The following MAGI2 variants were observed in gnomAD, a reference collection of about 807,000 sequenced individuals.
MAGI2 encodes the protein membrane associated guanylate kinase, WW and PDZ domain containing 2, also known as membrane-associated guanylate kinase, WW and PDZ domain-containing protein 2.
A neutral mutation model predicts 133.3 loss-of-function variants in MAGI2; 35 were observed. The ratio of observed to expected loss-of-function variants is 0.26; its 90% confidence interval spans 0.20 to 0.35. The LOEUF (loss-of-function observed/expected upper bound fraction) is 0.35, where lower values mean the gene tolerates loss of function less well. MAGI2 is among the 10% of genes least tolerant of loss of function. The pLI, the probability that MAGI2 is intolerant of heterozygous loss-of-function variation, is 1.00. For missense variants in MAGI2, 1,636 were observed against 1,863.4 expected (o/e 0.88, Z 2.25); for synonymous variants, 729 against 710.6 (o/e 1.03, Z -0.41).
At chr7:79,366,242 AAAAC>A (rs1235077645) in intron 1 of MAGI2, among the ~76,000 whole-genome samples, 1 of 152,144 alleles carries the variant, frequency 6.6e-6, no homozygotes, top group Non-Finnish European at 1.5e-5. Flanking sequence ...AAAAAAACAA[AAAAC>A]AAACAAACAA....
intron 1 of MAGI2, among the ~76,000 whole-genome samples, chr7:79,028,271 A>ATATATG (rs1172693529): frequency 9.3e-4 from 30 of 32,122 alleles, no homozygotes; most frequent in Non-Finnish European, 2.2e-4. Context: ...ATATATATGT[A>ATATATG]TGTATGTATA....
At chr7:78,273,660 CT>C (rs1278815842) in intron 9 of MAGI2, among the ~76,000 whole-genome samples, 1 of 152,056 alleles carries the variant, frequency 6.6e-6, no homozygotes, top group Non-Finnish European at 1.5e-5. Flanking sequence ...CCCTAATCTT[CT>C]CTTCTCGCTT....
At chr7:79,110,898 C>T (rs143889546) in intron 1 of MAGI2, among the ~76,000 whole-genome samples, 169 of 152,212 alleles carry the variant, frequency 1.1e-3, no homozygotes, top group African/African-American at 3.9e-3. Context: ...GATCTGGTTG[C>T]TTAAAAATGT....
intron 2 of MAGI2, among the ~76,000 whole-genome samples, chr7:78,920,529 G>C (rs1799142649): frequency 6.6e-6 from 1 of 152,084 alleles, no homozygotes; most frequent in Admixed American, 6.6e-5. Context: ...AGTTAAAACT[G>C]TATTTGTTGT....
rs554995418 is a variant in MAGI2 at position 78,164,508 on chromosome 7, C to G, written c.2596+3408G>C. The stretch of plus-strand genomic sequence containing the variant: ...GCAGACATTCCCAGTTTATACTCAT[C>G]AAGGCAGACAGCTTATTTAAATGGG... On this transcript the variant is annotated intron_variant, in intron 15 of 21. Coordinates refer to ENST00000354212, the MANE Select transcript of MAGI2 (RefSeq NM_012301.4). 4.0e-5 allele frequency among the ~76,000 whole-genome samples: 6 copies of G among 150,268 alleles called. No homozygotes were observed. In the South Asian group the frequency reaches 1.1e-3, roughly 26 times the overall value.
chr7:79,449,877 CAT>C (rs59881896), intron 1 of MAGI2, among the ~76,000 whole-genome samples: 49,291 of 120,488 alleles, frequency 0.41, 9,278 homozygotes, highest in East Asian at 0.5. Flanking sequence ...GAGATATATA[CAT>C]ATATATATAT....
chr7:79,150,613 T>C (rs930074125), intron 1 of MAGI2, among the ~76,000 whole-genome samples: 1 of 152,172 alleles, frequency 6.6e-6, no homozygotes, highest in Admixed American at 6.6e-5. Context: ...CATTTTGATA[T>C]TTTTGCAGAA....
At chr7:78,795,414 A>G (rs1327030630) in intron 2 of MAGI2, among the ~76,000 whole-genome samples, 14 of 152,070 alleles carry the variant, frequency 9.2e-5, no homozygotes, top group Non-Finnish European at 2.1e-4. Context: ...TACACTAACA[A>G]TGATCAATCT....
At chr7:79,006,363 T>G (rs1263594508) in intron 2 of MAGI2, among the ~76,000 whole-genome samples, 2 of 152,152 alleles carry the variant, frequency 1.3e-5, no homozygotes, top group African/African-American at 4.8e-5. Context: ...GAATCTGCCT[T>G]GAAGAAAATG....
chr7:78,373,196 T>C (rs1294089992), intron 6 of MAGI2, among the ~76,000 whole-genome samples: 1 of 152,098 alleles, frequency 6.6e-6, no homozygotes, highest in East Asian at 1.9e-4. Flanking sequence ...AGCTGACAAG[T>C]ACCCTTAGAA....
intron 20 of MAGI2, among the ~76,000 whole-genome samples, chr7:78,083,384 G>GA (rs1563098747): frequency 8.0e-5 from 5 of 62,706 alleles, no homozygotes; most frequent in Non-Finnish European, 6.6e-5. Context: ...GGGAGGGAGG[G>GA]GGGGAGAGAG....
intron 2 of MAGI2, among the ~76,000 whole-genome samples, chr7:78,878,850 T>C (rs576869058): frequency 8.5e-5 from 13 of 152,274 alleles, no homozygotes; most frequent in African/African-American, 3.1e-4. Flanking sequence ...GAATCACCTA[T>C]AGTTCCTTTG....
chr7:78,256,079 G>A lies in MAGI2; in HGVS notation c.1911C>T (p.Cys637=), dbSNP rs1792941043. 1 of 1,613,642 alleles carries A rather than the reference G, an allele frequency of 6.2e-7. No homozygotes were observed. Among genetic ancestry groups the A allele is most frequent in the African/African-American group, 1.3e-5 (1 of 75,004 alleles). ...RVKQILDIQG[C]PGLCEGDLIV... ...TGAGGTCGCCTTCACACAGGCCAGG[G>A]CATCCCTGAATGTCAAGTATTTGTT... Residue 637 remains cysteine, a synonymous_variant, in exon 10 of 22, where the codon TGC becomes TGT. Coordinates refer to ENST00000354212, the MANE Select transcript of MAGI2 (RefSeq NM_012301.4).
intron 9 of MAGI2, among the ~76,000 whole-genome samples, chr7:78,294,543 T>C (rs567958345): frequency 1.6e-4 from 25 of 152,280 alleles, no homozygotes; most frequent in African/African-American, 5.5e-4. Flanking sequence ...TAAATAAACT[T>C]ACCATTTGGA....
intron 2 of MAGI2, among the ~76,000 whole-genome samples, chr7:78,944,628 T>C (rs1168775615): frequency 6.6e-6 from 1 of 152,148 alleles, no homozygotes; most frequent in Non-Finnish European, 1.5e-5. Context: ...GTCAATTTAT[T>C]ACACTTGGGT....
chr7:78,572,169 G>A (rs866734472), intron 3 of MAGI2, among the ~76,000 whole-genome samples: 22 of 152,210 alleles, frequency 1.4e-4, no homozygotes, highest in African/African-American at 4.3e-4. Flanking sequence ...TGGTCATTTC[G>A]TGGTTCAGCA....
At chr7:78,739,369 T>C (rs1030199576) in intron 2 of MAGI2, among the ~76,000 whole-genome samples, 7 of 152,172 alleles carry the variant, frequency 4.6e-5, no homozygotes, top group African/African-American at 1.7e-4. Flanking sequence ...GAAACAAAGA[T>C]AAGGCAAGCT....
chr7:78,435,072 C>T (rs1267598341), intron 6 of MAGI2, among the ~76,000 whole-genome samples: 1 of 152,136 alleles, frequency 6.6e-6, no homozygotes, highest in African/African-American at 2.4e-5. Flanking sequence ...TGCCACTTTG[C>T]CACCTGTGTC....
chr7:78,793,369 A>G (rs1332997420), intron 2 of MAGI2, among the ~76,000 whole-genome samples: 1 of 152,188 alleles, frequency 6.6e-6, no homozygotes, highest in Non-Finnish European at 1.5e-5. Context: ...CAGGGGTTGC[A>G]CCTATGGCAT....
Sources: allele counts gnomAD v4.1 joint callset (sites outside exome capture counted in the v4.1 genomes callset), GRCh38; gene constraint gnomAD v4.1.1; transcripts MANE v1.5; gene names NCBI Gene and HGNC (gene_info 2026-07-23, HGNC 2026-07-21).